The following DENND3 variants were observed in gnomAD, a reference collection of about 807,000 sequenced individuals.
DENND3 encodes DENN domain containing 3.
DENND3 carries 88 observed loss-of-function variants against 135.1 expected under a neutral mutation model. The ratio of observed to expected loss-of-function variants is 0.65; its 90% CI spans 0.55 to 0.78. The LOEUF is 0.78. DENND3 is among the 30% of genes least tolerant of loss of function. The pLI, the probability that DENND3 is intolerant of heterozygous loss-of-function variation, is 0.00. For synonymous variants in DENND3, 693 were observed against 712.3 expected, an observed-to-expected ratio of 0.97 and a Z score of 0.43; for missense variants, 1,392 against 1,688.4, an observed-to-expected ratio of 0.82 and a Z score of 3.08.
intron 8 of DENND3, 28 bp from the exon 9 acceptor site, chr8:141,160,604 G>A (rs764307992): frequency 8.9e-6 from 14 of 1,576,206 alleles, no homozygotes; most frequent in Admixed American, 3.4e-5. Context: ...TGCTGGGGCT[G>A]AGCTAGCTTC....
In DENND3 at chr8:141,178,117, C is replaced by T. The variant is rs141207505; in HGVS notation, c.2757C>T (p.Ala919=). 4.9e-4 allele frequency: 789 copies of T among 1,612,496 alleles called. 7 individuals are homozygous for T. In the Middle Eastern group the frequency reaches 0.015, roughly 31 times the overall value. The part of the protein sequence containing the change: ...QALTNVLLMD[A]VVGTLQSPGA... Reference sequence around the variant, plus strand: ...TGACCAACGTCTTGCTGATGGACGCCGTCGTGGGCACACTGCAGTCACCAG... The same window carrying T: ...TGACCAACGTCTTGCTGATGGACGCTGTCGTGGGCACACTGCAGTCACCAG... Residue 919 remains alanine, a synonymous_variant, in exon 16 of 23, where the codon GCC becomes GCT. Transcript: ENST00000519811.
intron 20 of DENND3, chr8:141,191,482 C>G (rs1487394807): frequency 1.3e-5 from 2 of 152,300 alleles, no homozygotes; most frequent in African/African-American, 4.8e-5. Context: ...AACCGTCAGA[C>G]TGTTTTCTGA....
intron 6 of DENND3, 132 bp from the exon 7 acceptor site, chr8:141,151,487 G>A (rs1818791804): frequency 1.3e-6 from 1 of 790,704 alleles, no homozygotes; most frequent in African/African-American, 1.7e-5. Flanking sequence ...CTTAAGCCCA[G>A]GAGTTCGAGG....
intron 8 of DENND3, 79 bp downstream of exon 8, chr8:141,156,049 C>T (rs745579602): frequency 4.9e-5 from 72 of 1,474,338 alleles, no homozygotes; most frequent in Non-Finnish European, 6.1e-5. Context: ...GTATCTTTTC[C>T]AATTTTATAT....
intron 7 of DENND3, among the ~76,000 whole-genome samples, chr8:141,152,105 A>G (rs753159990): frequency 6.6e-6 from 1 of 152,230 alleles, no homozygotes; most frequent in Non-Finnish European, 1.5e-5. Context: ...AGTAGCCAGC[A>G]CTGGGCCTGC....
chr8:141,165,655 G>A (rs1820696049), intron 11 of DENND3, among the ~76,000 whole-genome samples: 1 of 152,006 alleles, frequency 6.6e-6, no homozygotes, highest in Non-Finnish European at 1.5e-5. Context: ...GTAAAGATGG[G>A]GTTTCGCCAT....
At chr8:141,160,815 A>G (rs1464612716) in intron 9 of DENND3, 28 bp downstream of exon 9, 1 of 1,592,020 alleles carries the variant, frequency 6.3e-7, no homozygotes, top group Non-Finnish European at 8.6e-7. Context: ...CCCAGTGTCC[A>G]TGAGGAGGTA....
chr8:141,192,747 C>T (rs746871410), intron 22 of DENND3, 84 bp downstream of exon 22: 23 of 1,607,702 alleles, frequency 1.4e-5, no homozygotes, highest in South Asian at 7.7e-5. Context: ...GAGAGCCAGC[C>T]GCACGCCCTC....
At chr8:141,180,723 C>T (rs1822986667) in intron 16 of DENND3, 24 bp from the exon 17 acceptor site, 1 of 1,603,466 alleles carries the variant, frequency 6.2e-7, no homozygotes, top group Middle Eastern at 1.7e-4. Context: ...GCAACAGTAA[C>T]ACTCCAAGTG....
chr8:141,139,569 T>A lies in DENND3; in HGVS notation c.501+1432T>A, dbSNP rs1269247371. On this transcript the variant is annotated intron_variant, in intron 3 of 22. Coordinates refer to ENST00000519811, the MANE Select transcript of DENND3 (RefSeq NM_001352890.3). The surrounding 1 kb of genome is among the most constrained non-coding windows in gnomAD (Gnocchi z 4.2). ...TGGAGGGATGAGAGGAAGGTGCCCCTCCACGTAGCCAGTGTTCCAGATGAG... is the reference window on the plus strand; with the variant it reads ...TGGAGGGATGAGAGGAAGGTGCCCCACCACGTAGCCAGTGTTCCAGATGAG... 6.6e-6 allele frequency among the ~76,000 whole-genome samples: 1 copy of A among 152,192 alleles called. No homozygotes were observed. The highest frequency in any genetic ancestry group is 1.5e-5 in the Non-Finnish European group (1 of 68,032).
In DENND3 at chr8:141,144,509, C is replaced by T. The variant is rs1817819532; in HGVS notation, c.735+250C>T. ...GAGGTCAGACACGCCTGGTTATACC[C>T]TCTCCCTCTTGCGTGAGTGTATGGG... On this transcript the variant is annotated intron_variant, in intron 5 of 22. Transcript: ENST00000519811. This position sits in a 1 kb window ranked among gnomAD's most constrained non-coding sequence, Gnocchi z 4.4. 6.6e-6 allele frequency among the ~76,000 whole-genome samples: 1 copy of T among 152,130 alleles called. No homozygotes were observed. The highest frequency in any genetic ancestry group is 6.5e-5 in the Admixed American group (1 of 15,278).
In DENND3 at chr8:141,176,759, A is replaced by G; in HGVS notation, c.2704A>G (p.Lys902Glu). 1 of 1,612,654 alleles carries G rather than the reference A, an allele frequency of 6.2e-7. No homozygotes were observed. Among genetic ancestry groups the G allele is most frequent in the Non-Finnish European group, 8.5e-7 (1 of 1,178,948 alleles). ...TGGGAAGAAGCTGGCCGATGACCAC[A>G]AGGTGGGAGACGCGGGTCCCCTCTG... ...WAGKKLADDH[K>E]DPHYVQQALT... The change falls in exon 15 of 23, where the codon AAG becomes GAG. Residue 902 changes from lysine to glutamate, a missense_variant and splice_region_variant. Lys to Glu is a moderately conservative substitution (Grantham distance 56, BLOSUM62 1). Coordinates refer to ENST00000519811, the MANE Select transcript of DENND3 (RefSeq NM_001352890.3).
rs766196925 is a variant in DENND3, at chr8:141,192,529, G to C, written c.3502G>C (p.Glu1168Gln). 14 of 1,597,264 alleles carry C rather than the reference G, an allele frequency of 8.8e-6. No individual in the cohort carries two copies. Among genetic ancestry groups the C allele is most frequent in the African/African-American group, 5.4e-5 (4 of 74,458 alleles). Reference sequence around the variant, plus strand: ...CACACCGTGCCCTGCGTTTCAGGAGGAGCAGCTGTGGGCGGCCTGTGCAGG... The same window carrying C: ...CACACCGTGCCCTGCGTTTCAGGAGCAGCAGCTGTGGGCGGCCTGTGCAGG... ...FLAFQLLPEE[E>Q]QLWAACAGRS... The change falls in exon 22 of 23, where the codon GAG becomes CAG. Residue 1168 changes from glutamate to glutamine, a missense_variant. By Grantham distance (29) the Glu-to-Gln change is conservative (BLOSUM62 2). Coordinates refer to ENST00000519811, the MANE Select transcript of DENND3 (RefSeq NM_001352890.3).
At chr8:141,188,854 CCT>C in intron 18 of DENND3, 130 bp from the exon 19 acceptor site, 4 of 1,255,774 alleles carry the variant, frequency 3.2e-6, no homozygotes, top group Non-Finnish European at 4.3e-6. Flanking sequence ...CTCCCAGGAC[CCT>C]GAGCCGGCGT....
intron 1 of DENND3, among the ~76,000 whole-genome samples, chr8:141,129,323 A>G (rs1815633752): frequency 6.6e-6 from 1 of 152,098 alleles, no homozygotes; most frequent in Non-Finnish European, 1.5e-5. Context: ...CAGAATAACG[A>G]GAGAGCAATC....
chr8:141,153,924 T>C (rs535425173), intron 7 of DENND3, among the ~76,000 whole-genome samples: 2 of 152,272 alleles, frequency 1.3e-5, no homozygotes, highest in Admixed American at 1.3e-4. Context: ...AGGCAGCTGC[T>C]CTTCTGGATT....
In DENND3 at chr8:141,154,574, T is replaced by C. The variant is rs1015539361; in HGVS notation, c.1075-1275T>C. On this transcript the variant is annotated intron_variant, in intron 7 of 22. Transcript: ENST00000519811. This position sits in a 1 kb window ranked among gnomAD's most constrained non-coding sequence, Gnocchi z 4.4. Reference sequence around the variant, plus strand: ...GGAATCTTTTTTTTTTCTTTTTTTTTTTTGTGAGATGGAGTTTCGCTCTTG... The same window carrying C: ...GGAATCTTTTTTTTTTCTTTTTTTTCTTTGTGAGATGGAGTTTCGCTCTTG... Among the ~76,000 whole-genome samples the C allele has an allele frequency of 2.6e-5, 4 of 151,954 alleles. No individual in the cohort carries two copies. The highest frequency in any genetic ancestry group is 4.4e-5 in the Non-Finnish European group (3 of 67,972).
In DENND3 at chr8:141,185,228, T is replaced by A; in HGVS notation, c.3034T>A (p.Ser1012Thr). The A allele has an allele frequency of 6.2e-7, 1 of 1,614,240 alleles. No homozygotes were observed. The highest frequency in any genetic ancestry group is 8.5e-7 in the Non-Finnish European group (1 of 1,180,040). ...SEGKVTVFNA[S>T]SWTIHQHSFK... is the part of the protein sequence containing the mutation. Reference sequence around the variant, plus strand: ...AGGCAAGGTGACCGTGTTCAATGCTTCTTCATGGACCATCCACCAGCACTC... The same window carrying A: ...AGGCAAGGTGACCGTGTTCAATGCTACTTCATGGACCATCCACCAGCACTC... The change falls in exon 18 of 23, where the codon TCT (serine) becomes ACT (threonine). Residue 1012 changes from serine to threonine, a missense_variant. Physicochemically the swap from Ser to Thr is moderately conservative, Grantham distance 58. Coordinates refer to ENST00000519811, the MANE Select transcript of DENND3 (RefSeq NM_001352890.3).
Position 141,180,869 on chromosome 8 carries a change from C to G in DENND3, c.2944+15C>G, listed in dbSNP as rs373888498. ...CTACACTCCAGGTAAGGCCCCTCTG[C>G]CCGCGCCTCGCTGCCAGTTTTCAGC... On this transcript the variant is annotated intron_variant, in intron 17 of 22. Transcript: ENST00000519811. The G allele has an allele frequency of 1.7e-5, 27 of 1,600,430 alleles. No individual in the cohort carries two copies. The highest frequency in any genetic ancestry group is 6.8e-5 in the Admixed American group (4 of 58,912).
Sources: gnomAD v4.1 joint callset for allele counts (sites outside exome capture counted in the v4.1 genomes callset) on GRCh38, gnomAD v4.1.1 for gene constraint, Gnocchi (gnomAD v3.1) non-coding constraint, MANE v1.5 for transcripts, NCBI Gene and HGNC (gene_info 2026-07-23, HGNC 2026-07-21) for gene names.